SLC9A9: variants seen among roughly 807,000 people sequenced by gnomAD.
The protein encoded by SLC9A9 is solute carrier family 9 member A9.
SLC9A9 carries 62 observed loss-of-function variants against 77.8 expected under a neutral mutation model. The ratio of observed to expected loss-of-function variants is 0.80; its 90% CI spans 0.65 to 0.98. The LOEUF is 0.98. SLC9A9 is among the 50% of genes least tolerant of loss of function. SLC9A9 has a pLI of 0.00. For synonymous variants in SLC9A9, 320 were observed against 283.5 expected (o/e 1.13, Z -1.29); for missense variants, 775 against 774.9 (o/e 1.00, Z 0.00).
chr3:143,820,946 C>A (rs1400929530), intron 2 of SLC9A9, among the ~76,000 whole-genome samples: 1 of 150,084 alleles, frequency 6.7e-6, no homozygotes, highest in African/African-American at 2.5e-5. Context: ...TTTTTCAGAC[C>A]TTAGCTTTGA....
intron 1 of SLC9A9, among the ~76,000 whole-genome samples, chr3:143,836,886 C>G (rs894019992): frequency 2.0e-5 from 3 of 152,154 alleles, no homozygotes; most frequent in South Asian, 2.1e-4. Flanking sequence ...CCAGCCCCTT[C>G]CCTTCTGCCA....
At chr3:143,331,821 T>C (rs1378442403) in intron 14 of SLC9A9, among the ~76,000 whole-genome samples, 1 of 152,188 alleles carries the variant, frequency 6.6e-6, no homozygotes, top group Admixed American at 6.5e-5. Flanking sequence ...AATTACCATA[T>C]GGTGTGACAA....
chr3:143,663,450 T>A (rs900591739), intron 5 of SLC9A9, among the ~76,000 whole-genome samples: 3 of 152,222 alleles, frequency 2.0e-5, no homozygotes, highest in Admixed American at 1.3e-4. Flanking sequence ...GGAACAAAGC[T>A]GGATGGAGAA....
At chr3:143,296,857 GCCCATTTT>G (rs2030293671) in intron 14 of SLC9A9, among the ~76,000 whole-genome samples, 10 of 152,046 alleles carry the variant, frequency 6.6e-5, no homozygotes, top group African/African-American at 2.4e-4. Context: ...CAAGTCCTTT[GCCCATTTT>G]TAAATTGGGT....
rs148519755 is a variant in SLC9A9, at chr3:143,653,401, G to A, written c.650-1041C>T. On this transcript the variant is annotated intron_variant, in intron 5 of 15. Coordinates refer to ENST00000316549, the MANE Select transcript of SLC9A9 (RefSeq NM_173653.4). ...AATGATCCATTGAATTAATTGCCAA[G>A]GGGGAAAGAGGGAGGTTGAAAATGA... Among the ~76,000 whole-genome samples, 660 of 152,272 alleles carry A rather than the reference G, an allele frequency of 4.3e-3. 5 individuals are homozygous for A. The highest frequency in any genetic ancestry group is 0.015 in the African/African-American group (611 of 41,542).
intron 9 of SLC9A9, among the ~76,000 whole-genome samples, chr3:143,524,380 G>A (rs1458585363): frequency 6.6e-6 from 1 of 152,090 alleles, no homozygotes; most frequent in Non-Finnish European, 1.5e-5. Context: ...CTGTCAAGCT[G>A]AGGGCAAGAT....
At chr3:143,536,208 AT>A (rs1437870562) in intron 9 of SLC9A9, among the ~76,000 whole-genome samples, 4 of 152,226 alleles carry the variant, frequency 2.6e-5, no homozygotes, top group Non-Finnish European at 5.9e-5. Flanking sequence ...TTTTGACTCA[AT>A]AGAGATGAAA....
intron 5 of SLC9A9, among the ~76,000 whole-genome samples, chr3:143,678,117 C>T (rs796507545): frequency 1.9e-4 from 29 of 152,308 alleles, no homozygotes; most frequent in Middle Eastern, 3.4e-3. Flanking sequence ...TGAGCCACCG[C>T]GCCCAGCCTG....
intron 2 of SLC9A9, among the ~76,000 whole-genome samples, chr3:143,816,626 G>A (rs1199998428): frequency 6.6e-6 from 1 of 151,852 alleles, no homozygotes. Context: ...GTATATTCTT[G>A]TACTTAAGTC....
At chr3:143,618,403 A>G (rs1216201252) in intron 6 of SLC9A9, among the ~76,000 whole-genome samples, 2 of 152,202 alleles carry the variant, frequency 1.3e-5, no homozygotes, top group African/African-American at 2.4e-5. Context: ...GGAGTAGAAT[A>G]TTAGGGTAGC....
intron 14 of SLC9A9, among the ~76,000 whole-genome samples, chr3:143,282,928 T>A (rs1938267890): frequency 6.6e-6 from 1 of 152,234 alleles, no homozygotes; most frequent in Non-Finnish European, 1.5e-5. Flanking sequence ...CTCTTCTTTG[T>A]CACTATTCCT....
At chr3:143,370,797 A>C (rs138000911) in intron 13 of SLC9A9, among the ~76,000 whole-genome samples, 7 of 152,198 alleles carry the variant, frequency 4.6e-5, no homozygotes, top group African/African-American at 1.2e-4. Flanking sequence ...TCGCTTTCAC[A>C]ATGGCTAGCC....
chr3:143,390,651 G>A (rs1201982936), intron 12 of SLC9A9, among the ~76,000 whole-genome samples: 2 of 152,214 alleles, frequency 1.3e-5, no homozygotes, highest in Non-Finnish European at 2.9e-5. Context: ...GCAGGGCGAG[G>A]CGTCGCCTCA....
rs74481393 is a variant in SLC9A9 at position 143,541,691 on chromosome 3, A to G, written c.1089+10671T>C. On this transcript the variant is annotated intron_variant, in intron 9 of 15. Coordinates refer to ENST00000316549, the MANE Select transcript of SLC9A9 (RefSeq NM_173653.4). ...AAAACTGGTCCAAGCCCTTGAAGTC[A>G]TTGAATTTCCCTGGGTTTCAGTTTC... Among the ~76,000 whole-genome samples, 601 of 152,320 alleles carry G rather than the reference A, an allele frequency of 3.9e-3. 9 individuals are homozygous for G. In the East Asian group the frequency reaches 0.055, roughly 14 times the overall value.
At chr3:143,480,658 G>C (rs771670263) in intron 11 of SLC9A9, among the ~76,000 whole-genome samples, 3 of 152,198 alleles carry the variant, frequency 2.0e-5, no homozygotes, top group Non-Finnish European at 4.4e-5. Context: ...ACCTGGGAGA[G>C]ATGAGGGCTT....
chr3:143,575,844 G>C (rs2037349072), intron 7 of SLC9A9, among the ~76,000 whole-genome samples: 1 of 152,140 alleles, frequency 6.6e-6, no homozygotes, highest in Non-Finnish European at 1.5e-5. Flanking sequence ...GAATGAAATG[G>C]GTAGGTGGTT....
At position 143,662,216 on chromosome 3, in the gene SLC9A9, C is replaced by T. The variant is rs144350226; in HGVS notation, c.650-9856G>A. On this transcript the variant is annotated intron_variant, in intron 5 of 15. Transcript: ENST00000316549. ...TACTAGATACTGCAGCATAAACTAGCGCTGTCATTTCTGAAATTTTAGCCC... is the reference window on the plus strand; with the variant it reads ...TACTAGATACTGCAGCATAAACTAGTGCTGTCATTTCTGAAATTTTAGCCC... Among the ~76,000 whole-genome samples, 122 of 152,282 alleles carry T rather than the reference C, an allele frequency of 8.0e-4. 1 individual carries two copies. The East Asian group carries it at 0.018, about 22-fold the overall frequency.
At chr3:143,274,461 T>C (rs1937987893) in intron 14 of SLC9A9, among the ~76,000 whole-genome samples, 1 of 152,158 alleles carries the variant, frequency 6.6e-6, no homozygotes, top group Non-Finnish European at 1.5e-5. Context: ...TGCTGGCAAA[T>C]GGTTTAACAA....
At chr3:143,332,488 G>T (rs1399746852) in intron 14 of SLC9A9, among the ~76,000 whole-genome samples, 1 of 152,184 alleles carries the variant, frequency 6.6e-6, no homozygotes, top group Non-Finnish European at 1.5e-5. Flanking sequence ...AGAGTGGGGA[G>T]AATCTTGAAT....
Sources: allele counts gnomAD v4.1 joint callset (sites outside exome capture counted in the v4.1 genomes callset), GRCh38; gene constraint gnomAD v4.1.1; transcripts MANE v1.5; gene names NCBI Gene and HGNC (gene_info 2026-07-23, HGNC 2026-07-21).